The following CNTNAP2 variants were observed in gnomAD, a reference collection of about 807,000 sequenced individuals.
The protein encoded by CNTNAP2 is contactin-associated protein-like 2.
Under a neutral mutation model 155.2 loss-of-function variants are expected in CNTNAP2, and 98 were observed. The observed-to-expected ratio is 0.63, with a 90% CI of 0.54 to 0.75. The LOEUF is 0.75. Among genes scored for constraint, CNTNAP2 ranks in the 30% least tolerant of loss-of-function variants. The pLI is 0.00. For missense variants in CNTNAP2, 1,727 were observed against 1,688.1 expected, an observed-to-expected ratio of 1.02 and a Z score of -0.40; for synonymous variants, 651 against 631.2, an observed-to-expected ratio of 1.03 and a Z score of -0.47.
chr7:146,806,691 T>C (rs1289383350), intron 2 of CNTNAP2, among the ~76,000 whole-genome samples: 1 of 152,074 alleles, frequency 6.6e-6, no homozygotes, highest in Non-Finnish European at 1.5e-5. Context: ...CTATAGAGAG[T>C]TGGTATTCTG....
chr7:146,450,983 G>C (rs1054151453), intron 1 of CNTNAP2, among the ~76,000 whole-genome samples: 6 of 149,108 alleles, frequency 4.0e-5, no homozygotes, highest in Non-Finnish European at 4.4e-5. Flanking sequence ...GTCTTGCCCT[G>C]TCGTCCAGGC....
At chr7:147,512,595 A>G (rs1342241756) in intron 11 of CNTNAP2, among the ~76,000 whole-genome samples, 1 of 152,190 alleles carries the variant, frequency 6.6e-6, no homozygotes, top group Non-Finnish European at 1.5e-5. Flanking sequence ...ATTAGCTTAA[A>G]GTTATTTATC....
chr7:147,783,257 C>A (rs73460103), intron 13 of CNTNAP2, among the ~76,000 whole-genome samples: 427 of 152,256 alleles, frequency 2.8e-3, no homozygotes, highest in African/African-American at 1.0e-2. Flanking sequence ...ATTTTAACTG[C>A]TTTTCCTTCA....
At chr7:146,126,853 A>G (rs1797644773) in intron 1 of CNTNAP2, among the ~76,000 whole-genome samples, 1 of 152,124 alleles carries the variant, frequency 6.6e-6, no homozygotes, top group Non-Finnish European at 1.5e-5. Context: ...TATTTCTTGT[A>G]TCCATCCGCT....
At chr7:146,402,816 T>C (rs903454175) in intron 1 of CNTNAP2, among the ~76,000 whole-genome samples, 3 of 152,116 alleles carry the variant, frequency 2.0e-5, no homozygotes, top group Admixed American at 6.5e-5. Context: ...TTCAGTGAAG[T>C]TTTTATAGAT....
chr7:147,121,723 ATAAT>A (rs1185444264), intron 6 of CNTNAP2: 2 of 152,482 alleles, frequency 1.3e-5, no homozygotes, highest in South Asian at 2.1e-4. Context: ...TACCTTCTCA[ATAAT>A]TAGAGATTAA....
At chr7:147,392,798 C>T (rs567049138) in intron 9 of CNTNAP2, among the ~76,000 whole-genome samples, 2 of 152,098 alleles carry the variant, frequency 1.3e-5, no homozygotes, top group African/African-American at 4.8e-5. Context: ...CTCAAATGCT[C>T]ATCAATCAAC....
intron 9 of CNTNAP2, among the ~76,000 whole-genome samples, chr7:147,325,507 T>C (rs560974129): frequency 6.6e-6 from 1 of 152,272 alleles, no homozygotes; most frequent in African/African-American, 2.4e-5. Flanking sequence ...AGTCCTAGAC[T>C]GAGGGAAGGC....
intron 1 of CNTNAP2, among the ~76,000 whole-genome samples, chr7:146,537,151 G>A (rs959183692): frequency 1.3e-5 from 2 of 152,036 alleles, no homozygotes; most frequent in Admixed American, 1.3e-4. Flanking sequence ...AAGAAATTTT[G>A]TTGGATTCTG....
At chr7:147,588,365 C>T (rs189973610) in intron 12 of CNTNAP2, among the ~76,000 whole-genome samples, 2 of 152,176 alleles carry the variant, frequency 1.3e-5, no homozygotes, top group East Asian at 3.9e-4. Context: ...TAGTCTAGAA[C>T]AAACATTTCA....
At chr7:146,203,679 C>T (rs1227505073) in intron 1 of CNTNAP2, among the ~76,000 whole-genome samples, 3 of 152,194 alleles carry the variant, frequency 2.0e-5, no homozygotes, top group Admixed American at 2.0e-4. Flanking sequence ...TGGGTTGGGG[C>T]AGAAAGTCCC....
chr7:147,510,014 G>A (rs558572037), intron 11 of CNTNAP2, among the ~76,000 whole-genome samples: 2 of 152,146 alleles, frequency 1.3e-5, no homozygotes, highest in East Asian at 1.9e-4. Context: ...GTCAATACAA[G>A]TACAGACTCC....
At chr7:146,788,105 C>T (rs1372662141) in intron 2 of CNTNAP2, among the ~76,000 whole-genome samples, 1 of 152,206 alleles carries the variant, frequency 6.6e-6, no homozygotes, top group Non-Finnish European at 1.5e-5. Context: ...GCACCTAGCC[C>T]AGGCACTCCA....
At chr7:146,780,352 A>T (rs1179542475) in intron 2 of CNTNAP2, among the ~76,000 whole-genome samples, 3 of 148,554 alleles carry the variant, frequency 2.0e-5, no homozygotes, top group East Asian at 2.0e-4. Flanking sequence ...TGCCTGGCTA[A>T]TTTTTTTTTT....
chr7:146,502,191 T>G (rs1797310306), intron 1 of CNTNAP2, among the ~76,000 whole-genome samples: 2 of 132,514 alleles, frequency 1.5e-5, no homozygotes, highest in Non-Finnish European at 3.0e-5. Context: ...TTTTTATGGC[T>G]AAATAATATT....
intron 8 of CNTNAP2, among the ~76,000 whole-genome samples, chr7:147,209,648 T>A (rs1803097056): frequency 6.6e-6 from 1 of 151,992 alleles, no homozygotes; most frequent in East Asian, 1.9e-4. Context: ...AAAGTGGGCA[T>A]CCTCTGCTTG....
chr7:146,449,847 G>A (rs1317148632), intron 1 of CNTNAP2, among the ~76,000 whole-genome samples: 8 of 152,038 alleles, frequency 5.3e-5, no homozygotes, highest in African/African-American at 1.9e-4. Context: ...ATTGAGAGAC[G>A]GCACTATCCT....
intron 13 of CNTNAP2, among the ~76,000 whole-genome samples, chr7:147,885,241 A>C (rs944505504): frequency 6.6e-6 from 1 of 152,182 alleles, no homozygotes; most frequent in African/African-American, 2.4e-5. Context: ...GAAAGTCTCA[A>C]TATTAAGGCT....
chr7:147,311,430 T>A (rs1795124221), intron 9 of CNTNAP2, among the ~76,000 whole-genome samples: 1 of 152,140 alleles, frequency 6.6e-6, no homozygotes. Context: ...GCAAAAATTG[T>A]CTGTTAGAAT....
Sources: allele counts gnomAD v4.1 joint callset (sites outside exome capture counted in the v4.1 genomes callset), GRCh38; gene constraint gnomAD v4.1.1; transcripts MANE v1.5; gene names NCBI Gene and HGNC (gene_info 2026-07-23, HGNC 2026-07-21).